SUCNR1: variants seen among roughly 807,000 people sequenced by gnomAD.
The protein encoded by SUCNR1 is succinate receptor 1.
SUCNR1 carries 5 observed loss-of-function variants against 2.4 expected under a neutral mutation model. That is an observed-to-expected ratio of 2.07 (90% CI 1.08 to 4.36). SUCNR1 has a LOEUF of 4.36. Ranked by LOEUF, SUCNR1 falls within the 30% of genes most tolerant of loss-of-function variation. The pLI, the probability that SUCNR1 is intolerant of heterozygous loss-of-function variation, is 0.00. For missense variants in SUCNR1, 373 were observed against 399.2 expected (o/e 0.93, Z 0.56); for synonymous variants, 162 against 143.9 (o/e 1.13, Z -0.90).
chr3:151,880,552 T>G lies in SUCNR1; in HGVS notation c.16-7T>G, dbSNP rs1199505233. The G allele has an allele frequency of 6.3e-7, 1 of 1,588,636 alleles. No homozygotes were observed. Reference sequence around the variant, plus strand: ...TTTAATCCTTATATTTTCTCTCTCTTCTTTAGGCATGGAATGCAACTTGCA... The same window carrying G: ...TTTAATCCTTATATTTTCTCTCTCTGCTTTAGGCATGGAATGCAACTTGCA... On this transcript the variant is annotated splice_region_variant and splice_polypyrimidine_tract_variant and intron_variant, in intron 2 of 2. Transcript: ENST00000362032.
chr3:151,880,608 A>G lies in SUCNR1; in HGVS notation c.65A>G (p.Glu22Gly), dbSNP rs774376192. 9 of 1,612,816 alleles carry G rather than the reference A, an allele frequency of 5.6e-6. No individual in the cohort carries two copies. Among genetic ancestry groups the G allele is most frequent in the Admixed American group, 3.3e-5 (2 of 59,762 alleles). Residue 22 changes from glutamate (E) to glycine (G), a missense_variant, in exon 3 of 3, where the codon GAA becomes GGA. Glu to Gly is a moderately conservative substitution (Grantham distance 98). Coordinates refer to ENST00000362032, the MANE Select transcript of SUCNR1 (RefSeq NM_033050.6). ...TGGCTGGCAGCAGAGGCTGCCCTGG[A>G]AAAGTACTACCTTTCCATTTTTTAT... is the stretch of plus-strand genomic sequence containing the variant. ...KNWLAAEAALEKYYLSIFYGI... is the reference protein window; with the variant it reads ...KNWLAAEAALGKYYLSIFYGI...
Position 151,882,287 on chromosome 3 carries a change from A to G in SUCNR1, c.*739A>G, listed in dbSNP as rs2108068929. ...AAAAAAAAAATTTGTAGAACACAAA[A>G]TGCCTATCAGGAAACCCAAAGCAAA... is the stretch of plus-strand genomic sequence containing the variant. On this transcript the variant is annotated 3_prime_UTR_variant, in exon 3 of 3. Transcript: ENST00000362032. 6.6e-6 allele frequency: 1 copy of G among 152,296 alleles called. No individual in the cohort carries two copies. Among genetic ancestry groups the G allele is most frequent in the Middle Eastern group, 3.4e-3 (1 of 294 alleles). The allele number at this position is 152,296 out of a possible 1,614,324, so 9.4% of individuals were successfully genotyped here. A position where few individuals can be genotyped will look rare whatever the true frequency, so the allele number is the denominator to read the frequency against.
Position 151,882,406 on chromosome 3 carries a change from T to TA in SUCNR1, c.*861dup, listed in dbSNP as rs1718130014. 6.6e-6 allele frequency: 1 copy of TA among 152,214 alleles called. No homozygotes were observed. Among genetic ancestry groups the TA allele is most frequent in the African/African-American group, 2.4e-5 (1 of 41,470 alleles). 9.4% of individuals were successfully genotyped at this position (152,214 alleles called of 1,614,324 possible). ...TGACCACCAGTGCATGAAAATATAT[T>TA]AAAGTTCATTAGCCTTCTGCTCTTG... On this transcript the variant is annotated 3_prime_UTR_variant, in exon 3 of 3. Coordinates refer to ENST00000362032, the MANE Select transcript of SUCNR1 (RefSeq NM_033050.6).
At chr3:151,874,138 ATATATATATTTTTTT>A (rs1559855928) in intron 1 of SUCNR1, among the ~76,000 whole-genome samples, 33 of 76,286 alleles carry the variant, frequency 4.3e-4, no homozygotes, top group Admixed American at 9.4e-4. Context: ...ATATATATAT[ATATATATATTTTTTT>A]TTTTTTTTTT....
At position 151,880,767 on chromosome 3, in the gene SUCNR1, C is replaced by T. The variant is rs146980461; in HGVS notation, c.224C>T (p.Thr75Ile). The change falls in exon 3 of 3, where the codon ACC (threonine) becomes ATC (isoleucine). Residue 75 changes from threonine (T) to isoleucine (I), a missense_variant. By Grantham distance (89) the Thr-to-Ile change is moderately conservative. Coordinates refer to ENST00000362032, the MANE Select transcript of SUCNR1 (RefSeq NM_033050.6). ...LSVSDLAFLC[T>I]LPMLIRSYAN... Reference sequence around the variant, plus strand: ...GTCTCTGACTTAGCTTTTCTGTGCACCCTCCCCATGCTGATAAGGAGTTAT... The same window carrying T: ...GTCTCTGACTTAGCTTTTCTGTGCATCCTCCCCATGCTGATAAGGAGTTAT... The T allele has an allele frequency of 4.0e-5, 65 of 1,614,022 alleles. No homozygotes were observed. In the African/African-American group the frequency reaches 7.7e-4, roughly 19 times the overall value.
At position 151,881,022 on chromosome 3, in the gene SUCNR1, T is replaced by G; in HGVS notation, c.479T>G (p.Leu160Arg). 6.2e-7 allele frequency: 1 copy of G among 1,614,180 alleles called. No individual in the cohort carries two copies. The highest frequency in any genetic ancestry group is 8.5e-7 in the Non-Finnish European group (1 of 1,180,010). The change falls in exon 3 of 3, where the codon CTT becomes CGT. Residue 160 changes from leucine (L) to arginine (R), a missense_variant. Physicochemically the swap from Leu to Arg is moderately radical, Grantham distance 102 (BLOSUM62 -2). Around this residue, in one of 3 missense-constraint regions of SUCNR1, gnomAD observed 32 missense variants for 58.3 expected, o/e 0.55. Coordinates refer to ENST00000362032, the MANE Select transcript of SUCNR1 (RefSeq NM_033050.6). ...VTLELLPILP[L>R]INPVITDNGT... is the part of the protein sequence containing the mutation. ...TTAGAGTTACTACCCATACTTCCCCTTATAAATCCTGTTATAACTGACAAT... is the reference window on the plus strand; with the variant it reads ...TTAGAGTTACTACCCATACTTCCCCGTATAAATCCTGTTATAACTGACAAT...
chr3:151,883,504 A>ATG lies in SUCNR1; in HGVS notation c.*1958_*1959dup, dbSNP rs1205914860. The ATG allele has an allele frequency of 2.7e-5, 3 of 111,276 alleles. No homozygotes were observed. Among genetic ancestry groups the ATG allele is most frequent in the East Asian group, 4.5e-4 (2 of 4,452 alleles). 6.9% of individuals were successfully genotyped at this position (111,276 alleles called of 1,614,324 possible). ...TATATATATATATATATATATATAT[A>ATG]TGTACCTTGTAAACAAGAGGTTAAG... is the stretch of plus-strand genomic sequence containing the variant. On this transcript the variant is annotated 3_prime_UTR_variant, in exon 3 of 3. Transcript: ENST00000362032.
intron 1 of SUCNR1, among the ~76,000 whole-genome samples, chr3:151,879,256 T>C (rs1718010890): frequency 6.6e-6 from 1 of 152,210 alleles, no homozygotes; most frequent in Non-Finnish European, 1.5e-5. Flanking sequence ...GGTTGCTTAT[T>C]TCCATGGTAC....
chr3:151,883,133 A>C lies in SUCNR1; in HGVS notation c.*1585A>C, dbSNP rs1307540158. The C allele has an allele frequency of 1.3e-5, 2 of 152,044 alleles. No individual in the cohort carries two copies. Among genetic ancestry groups the C allele is most frequent in the African/African-American group, 4.8e-5 (2 of 41,440 alleles). 9.4% of individuals were successfully genotyped at this position (152,044 alleles called of 1,614,324 possible). On this transcript the variant is annotated 3_prime_UTR_variant, in exon 3 of 3. Transcript: ENST00000362032. ...AAGATTTATTTTCTTACATCACACC[A>C]GGCTTTAAGATATTTTCTGCCATGC...
intron 1 of SUCNR1, among the ~76,000 whole-genome samples, chr3:151,876,156 T>C (rs78561923): frequency 1.0e-3 from 156 of 152,210 alleles, no homozygotes; most frequent in African/African-American, 3.7e-3. Flanking sequence ...ACCCACAAAA[T>C]AACAAGAGCT....
Position 151,881,273 on chromosome 3 carries a change from C to A in SUCNR1, c.730C>A (p.Leu244Ile). The change falls in exon 3 of 3, where the codon CTT (leucine) becomes ATT (isoleucine). Residue 244 changes from leucine to isoleucine, a missense_variant. Physicochemically the swap from Leu to Ile is conservative, Grantham distance 5. Coordinates refer to ENST00000362032, the MANE Select transcript of SUCNR1 (RefSeq NM_033050.6). ...CATGGCAGTGGTAATCTTCTCTGTG[C>A]TTTTTACACCCTATCACGTCATGCG... ...VIMAVVIFSVLFTPYHVMRNV... is the reference protein window; with the variant it reads ...VIMAVVIFSVIFTPYHVMRNV... The A allele has an allele frequency of 1.2e-6, 2 of 1,614,198 alleles. No individual in the cohort carries two copies. The highest frequency in any genetic ancestry group is 8.5e-7 in the Non-Finnish European group (1 of 1,180,008).
In SUCNR1 at chr3:151,882,005, C is replaced by A. The variant is rs1463707004; in HGVS notation, c.*457C>A. 1 of 153,918 alleles carries A rather than the reference C, an allele frequency of 6.5e-6. No homozygotes were observed. The highest frequency in any genetic ancestry group is 1.4e-5 in the Non-Finnish European group (1 of 69,260). The allele number at this position is 153,918 out of a possible 1,614,324, so 9.5% of individuals were successfully genotyped here. A position where few individuals can be genotyped will look rare whatever the true frequency, so the allele number is the denominator to read the frequency against. ...TTGTGCTGTTAAGCAAATGTAAAGT[C>A]AACAGTAACAATGATTAAGAAAGGA... On this transcript the variant is annotated 3_prime_UTR_variant, in exon 3 of 3. Transcript: ENST00000362032.
Position 151,883,346 on chromosome 3 carries a change from T to A in SUCNR1, c.*1798T>A, listed in dbSNP as rs951558814. The A allele has an allele frequency of 4.6e-5, 7 of 151,428 alleles. No individual in the cohort carries two copies. Among genetic ancestry groups the A allele is most frequent in the Non-Finnish European group, 1.0e-4 (7 of 67,768 alleles). 9.4% of individuals were successfully genotyped at this position (151,428 alleles called of 1,614,324 possible). A position where few individuals can be genotyped will look rare whatever the true frequency, so the allele number is the denominator to read the frequency against. On this transcript the variant is annotated 3_prime_UTR_variant, in exon 3 of 3. Coordinates refer to ENST00000362032, the MANE Select transcript of SUCNR1 (RefSeq NM_033050.6). ...TTAACTTTAATTTGTATTTTATGCA[T>A]GAATTTTACTTGTAAAGACAAAATT...
At chr3:151,875,278 A>C (rs1467722293) in intron 1 of SUCNR1, among the ~76,000 whole-genome samples, 1 of 152,118 alleles carries the variant, frequency 6.6e-6, no homozygotes. Context: ...AGAGAATATG[A>C]ATTTTTCATG....
chr3:151,878,814 C>A (rs963117840), intron 1 of SUCNR1, among the ~76,000 whole-genome samples: 4 of 152,144 alleles, frequency 2.6e-5, no homozygotes, highest in African/African-American at 7.2e-5. Flanking sequence ...GACTTATTTT[C>A]ATAAATAAAA....
At chr3:151,873,904 CTT>C (rs1489813816) in intron 1 of SUCNR1, among the ~76,000 whole-genome samples, 198 bp downstream of exon 1, 1 of 151,060 alleles carries the variant, frequency 6.6e-6, no homozygotes, top group Non-Finnish European at 1.5e-5. Context: ...AATTAACTGT[CTT>C]CTTTTAGTTG....
In SUCNR1 at chr3:151,880,941, T is replaced by C. The variant is rs1208888032; in HGVS notation, c.398T>C (p.Leu133Pro). 6.2e-7 allele frequency: 1 copy of C among 1,613,938 alleles called. No individual in the cohort carries two copies. Among genetic ancestry groups the C allele is most frequent in the African/African-American group, 1.3e-5 (1 of 74,922 alleles). Reference protein sequence around the residue: ...IIKYPFREHLLQKKEFAILIS... With the variant: ...IIKYPFREHLPQKKEFAILIS... The stretch of plus-strand genomic sequence containing the variant: ...AAGTATCCTTTCCGAGAACACCTTC[T>C]GCAAAAGAAAGAGTTTGCTATTTTA... Residue 133 changes from leucine to proline, a missense_variant, in exon 3 of 3, where the codon CTG becomes CCG. Coordinates refer to ENST00000362032, the MANE Select transcript of SUCNR1 (RefSeq NM_033050.6).
In SUCNR1 at chr3:151,881,349, C is replaced by T. The variant is rs1190344126; in HGVS notation, c.806C>T (p.Thr269Ile). ...GGGAGTTGGAAGCAGTATCAGTGCA[C>T]TCAGGTCGTCATCAACTCCTTTTAC... is the stretch of plus-strand genomic sequence containing the variant. Reference protein sequence around the residue: ...RLGSWKQYQCTQVVINSFYIV... With the variant: ...RLGSWKQYQCIQVVINSFYIV... The change falls in exon 3 of 3, where the codon ACT becomes ATT. Residue 269 changes from threonine (T) to isoleucine (I), a missense_variant. Transcript: ENST00000362032. 2.5e-6 allele frequency: 4 copies of T among 1,614,182 alleles called. No homozygotes were observed. Among genetic ancestry groups the T allele is most frequent in the Non-Finnish European group, 2.5e-6 (3 of 1,180,008 alleles).
chr3:151,875,602 A>C (rs1034585913), intron 1 of SUCNR1, among the ~76,000 whole-genome samples: 5 of 152,110 alleles, frequency 3.3e-5, no homozygotes, highest in Admixed American at 6.6e-5. Context: ...TAAAATGTAA[A>C]AGGGTACCCA....
Sources: allele counts gnomAD v4.1 joint callset (sites outside exome capture counted in the v4.1 genomes callset), GRCh38; gene constraint gnomAD v4.1.1; regional missense constraint gnomAD v4.1.1; transcripts MANE v1.5; gene names NCBI Gene and HGNC (gene_info 2026-07-23, HGNC 2026-07-21).